The following PXDN variants were observed in gnomAD, a reference collection of about 807,000 sequenced individuals.
PXDN encodes the protein peroxidasin.
PXDN carries 77 observed loss-of-function variants against 140.3 expected under a neutral mutation model. That is an observed-to-expected ratio of 0.55 (90% CI 0.46 to 0.66). PXDN has a LOEUF of 0.66. Ranked by LOEUF, PXDN falls within the 30% of genes least tolerant of loss-of-function variation. PXDN has a pLI of 0.00. For synonymous variants in PXDN, 911 were observed against 857.4 expected, an observed-to-expected ratio of 1.06 and a Z score of -1.09; for missense variants, 1,838 against 2,039.5, an observed-to-expected ratio of 0.90 and a Z score of 1.90.
At chr2:1,652,156 C>T (rs1683029280) in intron 16 of PXDN, among the ~76,000 whole-genome samples, 1 of 152,202 alleles carries the variant, frequency 6.6e-6, no homozygotes. Context: ...CAAGGAACAG[C>T]TTCCAACAGC....
At chr2:1,696,655 G>T (rs536151264) in intron 1 of PXDN, among the ~76,000 whole-genome samples, 1 of 152,272 alleles carries the variant, frequency 6.6e-6, no homozygotes, top group South Asian at 2.1e-4. Flanking sequence ...TCATCTGCAT[G>T]TGTGTGTGTT....
chr2:1,728,822 G>C (rs1478305058), intron 1 of PXDN, among the ~76,000 whole-genome samples: 3 of 152,178 alleles, frequency 2.0e-5, no homozygotes, highest in Non-Finnish European at 4.4e-5. Context: ...CCTTCAACAG[G>C]AATGCACGCG....
rs73910815 is a variant in PXDN at position 1,660,913 on chromosome 2, G to A, written c.1805C>T (p.Ser602Leu). The change falls in exon 14 of 23, where the codon TCG becomes TTG. Residue 602 changes from serine to leucine, a missense_variant. Transcript: ENST00000252804. This position sits in a 1 kb window ranked among gnomAD's most constrained non-coding sequence, Gnocchi z 4.6. The part of the protein sequence containing the change: ...YECVARNTIG[S>L]ASVSMVLSVN... ...ACTGAGCACCATGCTCACCGAGGCCGACCCAATGGTGTTCCGGGCCACACA... is the reference window on the plus strand; with the variant it reads ...ACTGAGCACCATGCTCACCGAGGCCAACCCAATGGTGTTCCGGGCCACACA... 1.1e-3 allele frequency: 1,731 copies of A among 1,613,706 alleles called. 18 individuals are homozygous for A. In the African/African-American group the frequency reaches 0.02, roughly 19 times the overall value.
intron 14 of PXDN, among the ~76,000 whole-genome samples, chr2:1,658,238 G>A (rs1005244836): frequency 1.4e-5 from 2 of 147,820 alleles, no homozygotes; most frequent in African/African-American, 5.4e-5. Context: ...ACTTCACGCT[G>A]TTGTCTTCAA....
chr2:1,664,887 A>C (rs541048589), intron 11 of PXDN, 71 bp downstream of exon 11: 1 of 1,311,738 alleles, frequency 7.6e-7, no homozygotes, highest in African/African-American at 1.5e-5. Flanking sequence ...TTGCCTGGGC[A>C]CAGTGGAAAT....
chr2:1,646,641 C>T lies in PXDN; in HGVS notation c.3608+1531G>A, dbSNP rs536339184. On this transcript the variant is annotated intron_variant, in intron 17 of 22. Transcript: ENST00000252804. ...ACAATAAATTACAAGTAAAAAATCACTTTCCCCTAGAAGGCACAGGTCAGA... is the reference window on the plus strand; with the variant it reads ...ACAATAAATTACAAGTAAAAAATCATTTTCCCCTAGAAGGCACAGGTCAGA... 6.6e-5 allele frequency among the ~76,000 whole-genome samples: 10 copies of T among 152,318 alleles called. No homozygotes were observed. In the South Asian group the frequency reaches 2.1e-3, roughly 32 times the overall value.
At chr2:1,642,762 C>G (rs1682757908) in intron 19 of PXDN, among the ~76,000 whole-genome samples, 2 of 152,236 alleles carry the variant, frequency 1.3e-5, no homozygotes, top group South Asian at 4.1e-4. Flanking sequence ...ACACAGCAGG[C>G]CACTGACGCC....
At chr2:1,702,927 T>C (rs566254217) in intron 1 of PXDN, among the ~76,000 whole-genome samples, 1 of 150,486 alleles carries the variant, frequency 6.6e-6, no homozygotes, top group African/African-American at 2.5e-5. Context: ...GCACGAGACA[T>C]CAATCAATAT....
chr2:1,709,744 C>T (rs561977517), intron 1 of PXDN, among the ~76,000 whole-genome samples: 10 of 152,308 alleles, frequency 6.6e-5, no homozygotes, highest in South Asian at 2.1e-4. Flanking sequence ...GTCCTGAGAA[C>T]AAGCCCCATC....
upstream of PXDN, chr2:1,744,564 G>T (rs1188887517): frequency 4.1e-6 from 4 of 966,168 alleles, no homozygotes; most frequent in Non-Finnish European, 5.3e-6. Flanking sequence ...GGGGCGGGGG[G>T]CGCCAGCTGT....
rs72208257 is a variant in PXDN at position 1,733,748 on chromosome 2, C to CAAAAAAAAAAAAAAAA, written c.200+10492_200+10507dup. Among the ~76,000 whole-genome samples, 25 of 79,224 alleles carry CAAAAAAAAAAAAAAAA rather than the reference C, an allele frequency of 3.2e-4. 1 individual carries two copies. The highest frequency in any genetic ancestry group is 1.2e-3 in the East Asian group (2 of 1,638). 52.0% of individuals were successfully genotyped at this position (79,224 alleles called of 152,430 possible). ...CAGAGCAAGATTCTGTGTCAAATGA[C>CAAAAAAAAAAAAAAAA]AAAAAAAAAAAAAAAAAAAGCAGTG... On this transcript the variant is annotated intron_variant, in intron 1 of 22. Transcript: ENST00000252804.
intron 1 of PXDN, among the ~76,000 whole-genome samples, chr2:1,732,256 C>T (rs764874423): frequency 2.6e-5 from 4 of 152,104 alleles, no homozygotes; most frequent in Non-Finnish European, 2.9e-5. Context: ...AGGCAGCAGA[C>T]CTGGCAGGAC....
At chr2:1,702,678 G>A (rs1002624066) in intron 1 of PXDN, among the ~76,000 whole-genome samples, 3 of 151,958 alleles carry the variant, frequency 2.0e-5, no homozygotes, top group Non-Finnish European at 2.9e-5. Flanking sequence ...GCCCAGGCTG[G>A]AGTGCACTGG....
At chr2:1,642,770 G>A (rs568175198) in intron 19 of PXDN, among the ~76,000 whole-genome samples, 4 of 152,342 alleles carry the variant, frequency 2.6e-5, no homozygotes, top group South Asian at 2.1e-4. Flanking sequence ...GGCCACTGAC[G>A]CCTCTGCAGG....
intron 8 of PXDN, among the ~76,000 whole-genome samples, chr2:1,674,905 G>A (rs1243264681): frequency 6.6e-6 from 1 of 152,112 alleles, no homozygotes; most frequent in Non-Finnish European, 1.5e-5. Flanking sequence ...GACCAAGCTG[G>A]GTCGCTCATG....
chr2:1,721,010 C>T (rs1359425179), intron 1 of PXDN, among the ~76,000 whole-genome samples: 2 of 152,162 alleles, frequency 1.3e-5, no homozygotes, highest in African/African-American at 4.8e-5. Flanking sequence ...GCCTTTATTC[C>T]GTTAAGGCCT....
Position 1,677,025 on chromosome 2 carries a change from G to T in PXDN, c.750C>A (p.Ser250=). ...AGGTCACATCTGCGTCCTGGGGCTC[G>T]GAGGTGATCCGGGGCCTTTCTGTGC... ...ELNCERPRIT[S]EPQDADVTSG... Residue 250 remains serine, a synonymous_variant, in exon 8 of 23, where the codon TCC becomes TCA. Coordinates refer to ENST00000252804, the MANE Select transcript of PXDN (RefSeq NM_012293.3). 1 of 1,607,470 alleles carries T rather than the reference G, an allele frequency of 6.2e-7. No individual in the cohort carries two copies. The highest frequency in any genetic ancestry group is 8.5e-7 in the Non-Finnish European group (1 of 1,175,628).
At chr2:1,734,602 C>T (rs1685388312) in intron 1 of PXDN, among the ~76,000 whole-genome samples, 2 of 152,174 alleles carry the variant, frequency 1.3e-5, no homozygotes, top group South Asian at 4.1e-4. Context: ...GGCATGGTGG[C>T]TCACACCTCT....
At chr2:1,681,803 C>T (rs528517176) in intron 6 of PXDN, among the ~76,000 whole-genome samples, 1 of 152,324 alleles carries the variant, frequency 6.6e-6, no homozygotes, top group South Asian at 2.1e-4. Flanking sequence ...CCCAGATGGT[C>T]ATAGTCAGGT....
Sources: allele counts gnomAD v4.1 joint callset (sites outside exome capture counted in the v4.1 genomes callset), GRCh38; gene constraint gnomAD v4.1.1; non-coding constraint Gnocchi (gnomAD v3.1); transcripts MANE v1.5; gene names NCBI Gene and HGNC (gene_info 2026-07-23, HGNC 2026-07-21).